WNT3A: variants seen among roughly 807,000 people sequenced by gnomAD.
The protein encoded by WNT3A is protein Wnt-3a.
In WNT3A, 17 loss-of-function variants were observed where a neutral mutation model predicts 37.0. That is an observed-to-expected ratio of 0.46 (90% CI 0.31 to 0.69). The LOEUF (loss-of-function observed/expected upper bound fraction) is 0.69. Ranked by LOEUF, WNT3A falls within the 30% of genes least tolerant of loss-of-function variation. The pLI is 0.05. For synonymous variants in WNT3A, 187 were observed against 211.0 expected, an observed-to-expected ratio of 0.89 and a Z score of 0.99; for missense variants, 411 against 510.2, an observed-to-expected ratio of 0.81 and a Z score of 1.87.
At chr1:228,029,716 G>A (rs370063221) in intron 2 of WNT3A, among the ~76,000 whole-genome samples, 30 of 151,384 alleles carry the variant, frequency 2.0e-4, no homozygotes, top group African/African-American at 5.3e-4. Flanking sequence ...TGTCCTCCCC[G>A]CAATAGTATG....
Position 228,007,110 on chromosome 1 carries a change from C to G in WNT3A, c.-19C>G, listed in dbSNP as rs2030216963. The G allele has an allele frequency of 5.1e-6, 8 of 1,561,072 alleles. No homozygotes were observed. The highest frequency in any genetic ancestry group is 6.9e-6 in the Non-Finnish European group (8 of 1,155,982). ...CTCTCGGGGCGGACTCCCGGCCCTC[C>G]GCGCCCTCTCGCGCGGCGATGGCCC... On this transcript the variant is annotated 5_prime_UTR_variant, in exon 1 of 4. Coordinates refer to ENST00000284523, the MANE Select transcript of WNT3A (RefSeq NM_033131.4). The surrounding 1 kb of genome is among the most constrained non-coding windows in gnomAD (Gnocchi z 6.0).
chr1:228,058,405 A>G (rs2031723599), intron 3 of WNT3A, among the ~76,000 whole-genome samples: 1 of 152,344 alleles, frequency 6.6e-6, no homozygotes, highest in South Asian at 2.1e-4. Context: ...AAAGAAGCTG[A>G]GTTCTACACT....
Position 228,050,519 on chromosome 1 carries a change from TA to T in WNT3A, c.314-135del. On this transcript the variant is annotated intron_variant, in intron 2 of 3. Transcript: ENST00000284523. This position sits in a 1 kb window ranked among gnomAD's most constrained non-coding sequence, Gnocchi z 5.0. The stretch of plus-strand genomic sequence containing the variant: ...GTAGCCTGTAGATCCGTGAACCAAG[TA>T]AGCCTCTTTGCCTTATACACCACCC... The T allele has an allele frequency of 1.8e-6, 2 of 1,084,776 alleles. No homozygotes were observed. The highest frequency in any genetic ancestry group is 2.5e-6 in the Non-Finnish European group (2 of 794,648). 67.2% of individuals were successfully genotyped at this position (1,084,776 alleles called of 1,614,324 possible). A position where few individuals can be genotyped will look rare whatever the true frequency, so the allele number is the denominator to read the frequency against.
chr1:228,059,900 A>T lies in WNT3A; in HGVS notation c.*435A>T. Reference sequence around the variant, plus strand: ...TACCTGCAGGCGGGGCTCCTCCTGAAGGAGGCGGGGCTCTAGGATGGGGCA... The same window carrying T: ...TACCTGCAGGCGGGGCTCCTCCTGATGGAGGCGGGGCTCTAGGATGGGGCA... On this transcript the variant is annotated 3_prime_UTR_variant, in exon 4 of 4. Coordinates refer to ENST00000284523, the MANE Select transcript of WNT3A (RefSeq NM_033131.4). The T allele has an allele frequency of 9.6e-7, 1 of 1,038,180 alleles. No homozygotes were observed. Among genetic ancestry groups the T allele is most frequent in the African/African-American group, 1.8e-5 (1 of 56,924 alleles). 64.3% of individuals were successfully genotyped at this position (1,038,180 alleles called of 1,614,324 possible).
At chr1:228,044,159 T>C (rs752256137) in intron 2 of WNT3A, among the ~76,000 whole-genome samples, 8 of 152,114 alleles carry the variant, frequency 5.3e-5, no homozygotes, top group Non-Finnish European at 1.0e-4. Flanking sequence ...TTTATGTTTG[T>C]TTGTTTTTTA....
chr1:228,047,290 G>A (rs1382731765), intron 2 of WNT3A, among the ~76,000 whole-genome samples: 1 of 152,220 alleles, frequency 6.6e-6, no homozygotes, highest in East Asian at 1.9e-4. Context: ...CCAATCCACA[G>A]AAAAGTCAAC....
At chr1:228,030,203 T>C (rs2102768685) in intron 2 of WNT3A, among the ~76,000 whole-genome samples, 1 of 152,180 alleles carries the variant, frequency 6.6e-6, no homozygotes, top group African/African-American at 2.4e-5. Context: ...GAGACCAGCC[T>C]GGCTAACATG....
chr1:228,013,440 C>T (rs183754622), intron 1 of WNT3A, among the ~76,000 whole-genome samples: 57 of 152,352 alleles, frequency 3.7e-4, no homozygotes, highest in Non-Finnish European at 5.3e-4. Flanking sequence ...GTGCCGCTGC[C>T]GCCCAGGGAA....
rs59173530 is a variant in WNT3A at position 228,029,050 on chromosome 1, G to T, written c.313+6142G>T. Among the ~76,000 whole-genome samples the T allele has an allele frequency of 2.5e-3, 381 of 152,240 alleles. 2 individuals carry two copies. The highest frequency in any genetic ancestry group is 8.8e-3 in the African/African-American group (364 of 41,546). ...CTCCAGAACTATCCACCCACCTGGG[G>T]AACGCCGGCCTTCACTGTCCCAGGC... On this transcript the variant is annotated intron_variant, in intron 2 of 3. Coordinates refer to ENST00000284523, the MANE Select transcript of WNT3A (RefSeq NM_033131.4).
At chr1:228,023,013 C>T (rs963570893) in intron 2 of WNT3A, 105 bp downstream of exon 2, 60 of 1,482,408 alleles carry the variant, frequency 4.0e-5, no homozygotes, top group Non-Finnish European at 5.2e-5. Context: ...GGAACAGTGC[C>T]TCACGCGGAC....
intron 2 of WNT3A, among the ~76,000 whole-genome samples, chr1:228,027,949 T>C (rs565852093): frequency 1.3e-5 from 2 of 152,370 alleles, no homozygotes; most frequent in Non-Finnish European, 2.9e-5. Context: ...TTGATTTTTG[T>C]ATAAGGTGAG....
At chr1:228,049,492 C>T (rs1248487058) in intron 2 of WNT3A, among the ~76,000 whole-genome samples, 1 of 152,186 alleles carries the variant, frequency 6.6e-6, no homozygotes, top group Non-Finnish European at 1.5e-5. Context: ...CATTTGCTTA[C>T]AAGTCTTTGC....
At position 228,050,553 on chromosome 1, in the gene WNT3A, C is replaced by G; in HGVS notation, c.314-103C>G. The G allele has an allele frequency of 7.1e-7, 1 of 1,412,436 alleles. No homozygotes were observed. Among genetic ancestry groups the G allele is most frequent in the East Asian group, 2.4e-5 (1 of 41,438 alleles). The allele number at this position is 1,412,436 out of a possible 1,614,324, so 87.5% of individuals were successfully genotyped here. On this transcript the variant is annotated intron_variant, in intron 2 of 3. Transcript: ENST00000284523. The surrounding 1 kb of genome is among the most constrained non-coding windows in gnomAD (Gnocchi z 5.0). ...TTGCCTTATACACCACCCAACCTCACGAGTTCCTTTATAACAATGCAAATG... is the reference window on the plus strand; with the variant it reads ...TTGCCTTATACACCACCCAACCTCAGGAGTTCCTTTATAACAATGCAAATG...
intron 2 of WNT3A, among the ~76,000 whole-genome samples, chr1:228,041,725 A>T (rs78679821): frequency 0.056 from 8,525 of 152,138 alleles, 813 homozygotes; most frequent in African/African-American, 0.19. Flanking sequence ...CTCCCTTGTG[A>T]ACTGTAAGCT....
At chr1:228,033,788 A>G (rs1478582972) in intron 2 of WNT3A, among the ~76,000 whole-genome samples, 1 of 152,178 alleles carries the variant, frequency 6.6e-6, no homozygotes, top group Non-Finnish European at 1.5e-5. Flanking sequence ...GTCCATGAAC[A>G]TAGGATATCT....
intron 1 of WNT3A, among the ~76,000 whole-genome samples, chr1:228,014,084 G>A (rs2030456431): frequency 6.6e-6 from 1 of 152,198 alleles, no homozygotes; most frequent in African/African-American, 2.4e-5. Flanking sequence ...TCCTGGAGGG[G>A]TGGCCCTGGC....
chr1:228,059,164 T>A lies in WNT3A; in HGVS notation c.758T>A (p.Val253Glu). The A allele has an allele frequency of 6.2e-7, 1 of 1,613,304 alleles. No homozygotes were observed. The highest frequency in any genetic ancestry group is 8.5e-7 in the Non-Finnish European group (1 of 1,179,964). ...VEKHRESRGW[V>E]ETLRPRYTYF... is the part of the protein sequence containing the mutation. The stretch of plus-strand genomic sequence containing the variant: ...AAGCACCGGGAGTCCCGCGGCTGGG[T>A]GGAGACCCTGCGGCCGCGCTACACC... Residue 253 changes from valine to glutamate, a missense_variant, in exon 4 of 4, where the codon GTG becomes GAG. By Grantham distance (121) the Val-to-Glu change is moderately radical (BLOSUM62 -2). Coordinates refer to ENST00000284523, the MANE Select transcript of WNT3A (RefSeq NM_033131.4).
Position 228,053,552 on chromosome 1 carries a change from C to T in WNT3A, c.579+2631C>T, listed in dbSNP as rs1340621471. On this transcript the variant is annotated intron_variant, in intron 3 of 3. Coordinates refer to ENST00000284523, the MANE Select transcript of WNT3A (RefSeq NM_033131.4). Reference sequence around the variant, plus strand: ...CTGAAAAGGCAACCCATAGAGGACACATTCACATACATACATCCACACTCA... The same window carrying T: ...CTGAAAAGGCAACCCATAGAGGACATATTCACATACATACATCCACACTCA... Among the ~76,000 whole-genome samples the T allele has an allele frequency of 2.0e-5, 3 of 152,116 alleles. No homozygotes were observed. In the East Asian group the frequency reaches 5.8e-4, roughly 29 times the overall value.
chr1:228,013,430 G>A (rs1220824428), intron 1 of WNT3A, among the ~76,000 whole-genome samples: 3 of 152,204 alleles, frequency 2.0e-5, no homozygotes, highest in South Asian at 2.1e-4. Context: ...CCGGCAAAAC[G>A]TGCCGCTGCC....
Sources: allele counts gnomAD v4.1 joint callset (sites outside exome capture counted in the v4.1 genomes callset), GRCh38; gene constraint gnomAD v4.1.1; non-coding constraint Gnocchi (gnomAD v3.1); transcripts MANE v1.5; gene names NCBI Gene and HGNC (gene_info 2026-07-23, HGNC 2026-07-21).